The following WDR59 variants were observed in gnomAD, a reference collection of about 807,000 sequenced individuals.
WDR59 encodes the protein WD repeat domain 59, also known as GATOR2 complex protein WDR59.
Under a neutral mutation model 131.2 loss-of-function variants are expected in WDR59, and 100 were observed. The observed-to-expected ratio is 0.76, with a 90% CI of 0.65 to 0.90. The LOEUF (loss-of-function observed/expected upper bound fraction) is 0.90. Ranked by LOEUF, WDR59 falls within the 40% of genes least tolerant of loss-of-function variation. WDR59 has a pLI of 0.00. For missense variants in WDR59, 1,203 were observed against 1,262.2 expected (o/e 0.95, Z 0.71); for synonymous variants, 601 against 466.2 (o/e 1.29, Z -3.72).
chr16:74,947,961 T>C (rs1008992708), intron 6 of WDR59, among the ~76,000 whole-genome samples: 5 of 152,050 alleles, frequency 3.3e-5, no homozygotes, highest in African/African-American at 1.2e-4. Flanking sequence ...TCCCAGCTAC[T>C]TGGGAGACTG....
At chr16:74,966,490 T>A (rs536778865) in intron 1 of WDR59, among the ~76,000 whole-genome samples, 64 of 151,594 alleles carry the variant, frequency 4.2e-4, no homozygotes, top group Non-Finnish European at 8.1e-4. Context: ...AAAAAATAAA[T>A]AAAAATAAAT....
At chr16:74,924,077 T>G in intron 8 of WDR59, 74 bp from the exon 9 acceptor site, 1 of 1,427,008 alleles carries the variant, frequency 7.0e-7, no homozygotes, top group Non-Finnish European at 9.7e-7. Context: ...GCACAGCCTT[T>G]GAACTCATTG....
At chr16:74,936,976 G>A (rs2031851174) in intron 8 of WDR59, among the ~76,000 whole-genome samples, 1 of 152,194 alleles carries the variant, frequency 6.6e-6, no homozygotes, top group African/African-American at 2.4e-5. Flanking sequence ...GTATATGACT[G>A]TAGTTTTGCT....
At chr16:74,903,482 G>C (rs959373007) in intron 18 of WDR59, among the ~76,000 whole-genome samples, 1 of 129,522 alleles carries the variant, frequency 7.7e-6, no homozygotes, top group African/African-American at 2.8e-5. Flanking sequence ...TTTCCATGTA[G>C]ACTTAGTATA....
chr16:74,910,936 T>C lies in WDR59; in HGVS notation c.1390-1019A>G, dbSNP rs1966052584. On this transcript the variant is annotated intron_variant, in intron 14 of 25. Coordinates refer to ENST00000262144, the MANE Select transcript of WDR59 (RefSeq NM_030581.4). The stretch of plus-strand genomic sequence containing the variant: ...TGGAGTGCAGCCACGTGATCTTGGC[T>C]CACTACAACCCCCACCTCCTGGGTT... Among the ~76,000 whole-genome samples, 3 of 152,160 alleles carry C rather than the reference T, an allele frequency of 2.0e-5. No individual in the cohort carries two copies. In the South Asian group the frequency reaches 6.2e-4, roughly 31 times the overall value.
At chr16:74,879,103 A>C (rs1479842417) in intron 25 of WDR59, among the ~76,000 whole-genome samples, 1 of 152,212 alleles carries the variant, frequency 6.6e-6, no homozygotes, top group East Asian at 1.9e-4. Flanking sequence ...CTGTAATCCC[A>C]GCACTTTGTG....
At chr16:74,922,448 T>C (rs2030336700) in intron 9 of WDR59, among the ~76,000 whole-genome samples, 1 of 152,178 alleles carries the variant, frequency 6.6e-6, no homozygotes, top group Non-Finnish European at 1.5e-5. Context: ...AGATACTGAG[T>C]GCTTTCCCAG....
At chr16:74,899,322 A>G (rs768559833) in intron 18 of WDR59, among the ~76,000 whole-genome samples, 9 of 152,224 alleles carry the variant, frequency 5.9e-5, no homozygotes, top group Admixed American at 2.6e-4. Context: ...AGCCTCTTAT[A>G]TCTTCCTCTG....
intron 25 of WDR59, among the ~76,000 whole-genome samples, chr16:74,881,121 T>C (rs1964458670): frequency 6.6e-6 from 1 of 152,156 alleles, no homozygotes; most frequent in Admixed American, 6.5e-5. Flanking sequence ...AAAATCATCT[T>C]ATATCCTGAG....
intron 19 of WDR59, among the ~76,000 whole-genome samples, chr16:74,893,200 C>T (rs1965125158): frequency 1.3e-5 from 2 of 152,176 alleles, no homozygotes; most frequent in Admixed American, 6.5e-5. Context: ...AAGCAATTGA[C>T]TTTGAAGTCA....
chr16:74,893,609 C>CAAA, intron 19 of WDR59, 70 bp downstream of exon 19: 6 of 1,263,950 alleles, frequency 4.7e-6, no homozygotes, highest in East Asian at 2.8e-5. Flanking sequence ...TTCCCACACT[C>CAAA]AAAAAAAAAA....
chr16:74,940,695 T>A (rs924773964), intron 7 of WDR59, among the ~76,000 whole-genome samples: 4 of 152,020 alleles, frequency 2.6e-5, no homozygotes, highest in African/African-American at 7.2e-5. Flanking sequence ...AGTATCATTA[T>A]TTTAATTTTA....
chr16:74,888,204 G>A lies in WDR59; in HGVS notation c.2311C>T (p.Arg771Cys), dbSNP rs767610772. The change falls in exon 22 of 26, where the codon CGT becomes TGT. Residue 771 changes from arginine to cysteine, a missense_variant. Transcript: ENST00000262144. ...LPNPFGPFPNRSSNLVVSHSR... is the reference protein window; with the variant it reads ...LPNPFGPFPNCSSNLVVSHSR... Reference sequence around the variant, plus strand: ...TGGGACACCACAAGATTAGAAGAACGGTTAGGAAAAGGCCCAAAGGGGTTT... The same window carrying A: ...TGGGACACCACAAGATTAGAAGAACAGTTAGGAAAAGGCCCAAAGGGGTTT... 2.4e-5 allele frequency: 39 copies of A among 1,613,544 alleles called. No individual in the cohort carries two copies. Among genetic ancestry groups the A allele is most frequent in the Non-Finnish European group, 3.1e-5 (37 of 1,179,902 alleles).
chr16:74,985,027 C>T lies in WDR59; in HGVS notation c.-10G>A. ...TCCATCGCGCCGCCATCTCCCCCGCCCGGCCGCCGCGGCCCCAGGACGGCG... is the reference window on the plus strand; with the variant it reads ...TCCATCGCGCCGCCATCTCCCCCGCTCGGCCGCCGCGGCCCCAGGACGGCG... On this transcript the variant is annotated 5_prime_UTR_variant, in exon 1 of 26. Transcript: ENST00000262144. 2.6e-6 allele frequency: 4 copies of T among 1,567,030 alleles called. No individual in the cohort carries two copies. The highest frequency in any genetic ancestry group is 1.9e-5 in the Admixed American group (1 of 52,836).
intron 8 of WDR59, among the ~76,000 whole-genome samples, chr16:74,927,174 T>A (rs1054289124): frequency 1.3e-5 from 2 of 152,146 alleles, no homozygotes; most frequent in Non-Finnish European, 2.9e-5. Context: ...CAAAAAAAAA[T>A]TAATGATTTA....
Position 74,871,507 on chromosome 16 carries a change from A to G in WDR59, c.*2702T>C, listed in dbSNP as rs971415973. 2.0e-5 allele frequency: 3 copies of G among 152,232 alleles called. No individual in the cohort carries two copies. Among genetic ancestry groups the G allele is most frequent in the Admixed American group, 2.0e-4 (3 of 15,284 alleles). 9.4% of individuals were successfully genotyped at this position (152,232 alleles called of 1,614,324 possible). On this transcript the variant is annotated 3_prime_UTR_variant, in exon 26 of 26. Coordinates refer to ENST00000262144, the MANE Select transcript of WDR59 (RefSeq NM_030581.4). ...TTGGAAATTCAAAAGGAATTTCCGT[A>G]TTGAAGGATGACATTATGTAATATT...
chr16:74,926,115 A>G (rs2030781681), intron 8 of WDR59, among the ~76,000 whole-genome samples: 2 of 149,774 alleles, frequency 1.3e-5, no homozygotes. Flanking sequence ...GCTGGAGAAC[A>G]ATGGTGTGAT....
At position 74,909,953 on chromosome 16, in the gene WDR59, C is replaced by G. The variant is rs371946703; in HGVS notation, c.1390-36G>C. 1.2e-5 allele frequency: 16 copies of G among 1,342,538 alleles called. No individual in the cohort carries two copies. In the African/African-American group the frequency reaches 2.5e-4, roughly 21 times the overall value. 83.2% of individuals were successfully genotyped at this position (1,342,538 alleles called of 1,614,324 possible). A position where few individuals can be genotyped will look rare whatever the true frequency, so the allele number is the denominator to read the frequency against. On this transcript the variant is annotated intron_variant, in intron 14 of 25. Transcript: ENST00000262144. ...CCCAAAACACAGTCAAGAAGAGGAA[C>G]ACATTTCTCTGATAGGTTTTTTTTT...
At chr16:74,892,090 T>A (rs1198959270) in intron 20 of WDR59, among the ~76,000 whole-genome samples, 1 of 152,204 alleles carries the variant, frequency 6.6e-6, no homozygotes, top group Non-Finnish European at 1.5e-5. Flanking sequence ...ATATTTGTCA[T>A]GTTAAATCAT....
Sources: allele counts gnomAD v4.1 joint callset (sites outside exome capture counted in the v4.1 genomes callset), GRCh38; gene constraint gnomAD v4.1.1; transcripts MANE v1.5; gene names NCBI Gene and HGNC (gene_info 2026-07-23, HGNC 2026-07-21).